DNAJC27: variants seen among roughly 807,000 people sequenced by gnomAD.
DNAJC27 encodes the protein dnaJ homolog subfamily C member 27.
A neutral mutation model predicts 31.4 loss-of-function variants in DNAJC27; 25 were observed. That is an observed-to-expected ratio of 0.80 (90% CI 0.58 to 1.11). DNAJC27 has a LOEUF of 1.11. Ranked by LOEUF, DNAJC27 falls within the 50% of genes most tolerant of loss-of-function variation. The pLI is 0.00. For synonymous variants in DNAJC27, 106 were observed against 112.7 expected (o/e 0.94, Z 0.37); for missense variants, 356 against 347.3 (o/e 1.02, Z -0.20).
At chr2:24,953,124 T>C (rs1233298237) in intron 5 of DNAJC27, among the ~76,000 whole-genome samples, 1 of 152,168 alleles carries the variant, frequency 6.6e-6, no homozygotes, top group Non-Finnish European at 1.5e-5. Flanking sequence ...GCACTGTAAT[T>C]ATTATTGAAT....
intron 5 of DNAJC27, among the ~76,000 whole-genome samples, chr2:24,955,681 G>A (rs1665888575): frequency 6.6e-6 from 1 of 152,112 alleles, no homozygotes; most frequent in South Asian, 2.1e-4. Flanking sequence ...CAGCCAGGGG[G>A]TAAAAAGGGC....
intron 3 of DNAJC27, among the ~76,000 whole-genome samples, chr2:24,959,841 A>G (rs1458058741): frequency 6.6e-6 from 1 of 152,178 alleles, no homozygotes; most frequent in Non-Finnish European, 1.5e-5. Context: ...TTGTACTTTC[A>G]TAGTGCCATC....
chr2:24,963,481 T>C lies in DNAJC27; in HGVS notation c.171-7A>G, dbSNP rs1315707708. 1.2e-6 allele frequency: 2 copies of C among 1,609,726 alleles called. No individual in the cohort carries two copies. Among genetic ancestry groups the C allele is most frequent in the Admixed American group, 3.3e-5 (2 of 59,808 alleles). ...TCTGTCTCTGACGTGTACCCTGAAA[T>C]GTTCAAATGGAAACAATCCGAAAGA... On this transcript the variant is annotated splice_polypyrimidine_tract_variant and splice_region_variant and intron_variant, in intron 2 of 6. Transcript: ENST00000264711.
intron 5 of DNAJC27, among the ~76,000 whole-genome samples, chr2:24,953,305 C>T (rs1237514872): frequency 6.6e-6 from 1 of 152,094 alleles, no homozygotes; most frequent in Non-Finnish European, 1.5e-5. Context: ...AGCTAATCAA[C>T]TTGGTAACCT....
intron 3 of DNAJC27, among the ~76,000 whole-genome samples, chr2:24,962,583 A>C (rs1666076796): frequency 1.3e-5 from 2 of 152,216 alleles, no homozygotes; most frequent in African/African-American, 4.8e-5. Flanking sequence ...AATAACTCAT[A>C]CATCAAACAG....
At chr2:24,954,998 T>C (rs1460521843) in intron 5 of DNAJC27, among the ~76,000 whole-genome samples, 1 of 152,134 alleles carries the variant, frequency 6.6e-6, no homozygotes, top group Non-Finnish European at 1.5e-5. Context: ...GTCTCTACAA[T>C]GTGTTATCCA....
At chr2:24,971,114 G>A (rs1167331791) in intron 1 of DNAJC27, among the ~76,000 whole-genome samples, 3 of 152,162 alleles carry the variant, frequency 2.0e-5, no homozygotes, top group African/African-American at 7.2e-5. Flanking sequence ...TGAAGAGGAG[G>A]CCGTCTTGGA....
chr2:24,953,988 C>T (rs1278276740), intron 5 of DNAJC27, among the ~76,000 whole-genome samples: 1 of 152,118 alleles, frequency 6.6e-6, no homozygotes, highest in Non-Finnish European at 1.5e-5. Flanking sequence ...GAGAGATAAG[C>T]CCCCCAATCA....
Position 24,971,860 on chromosome 2 carries a change from G to A in DNAJC27, c.45C>T (p.Leu15=). Residue 15 remains leucine, a synonymous_variant, in exon 1 of 7, where the codon CTC becomes CTT. Transcript: ENST00000264711. ...MPKRKEPGRS[L]RIKVISMGNA... is the part of the protein sequence containing the mutation. The stretch of plus-strand genomic sequence containing the variant: ...TGCCCATGGAGATGACTTTGATGCG[G>A]AGAGACCTGCCGGGCTCCTTCCGCT... 5.6e-6 allele frequency: 9 copies of A among 1,609,578 alleles called. No individual in the cohort carries two copies. The highest frequency in any genetic ancestry group is 7.6e-6 in the Non-Finnish European group (9 of 1,178,424).
At chr2:24,964,371 G>A (rs1014072107) in intron 2 of DNAJC27, among the ~76,000 whole-genome samples, 5 of 148,724 alleles carry the variant, frequency 3.4e-5, no homozygotes, top group Non-Finnish European at 7.4e-5. Flanking sequence ...GCAGTGAGCC[G>A]AGATCACGCC....
intron 1 of DNAJC27, among the ~76,000 whole-genome samples, chr2:24,970,431 ATGT>A (rs1437474123): frequency 2.0e-5 from 3 of 147,646 alleles, no homozygotes; most frequent in Middle Eastern, 3.5e-3. Flanking sequence ...GCTGCTTCTA[ATGT>A]TGTATCATTA....
In DNAJC27 at chr2:24,971,715, G is replaced by C. The variant is rs372271720; in HGVS notation, c.87+103C>G. The C allele has an allele frequency of 7.5e-5, 75 of 1,006,366 alleles. 1 individual carries two copies. The South Asian group carries it at 7.8e-4, about 10-fold the overall frequency. The allele number at this position is 1,006,366 out of a possible 1,614,324, so 62.3% of individuals were successfully genotyped here. A position where few individuals can be genotyped will look rare whatever the true frequency, so the allele number is the denominator to read the frequency against. ...TGAGACCCGGGCCTGCTCGGGGGCG[G>C]AGAGGAGGCCGGGCCCCAGGCTGTT... On this transcript the variant is annotated intron_variant, in intron 1 of 6. Coordinates refer to ENST00000264711, the MANE Select transcript of DNAJC27 (RefSeq NM_016544.3).
At position 24,965,348 on chromosome 2, in the gene DNAJC27, G is replaced by A. The variant is rs570512584; in HGVS notation, c.170+1863C>T. 3.9e-5 allele frequency among the ~76,000 whole-genome samples: 6 copies of A among 151,910 alleles called. No homozygotes were observed. The East Asian group carries it at 5.8e-4, about 15-fold the overall frequency. ...TTGGCTCACTGCAACCTCCGCCTCCGGGGTTCAAGTGATTCTCCCACCTCA... is the reference window on the plus strand; with the variant it reads ...TTGGCTCACTGCAACCTCCGCCTCCAGGGTTCAAGTGATTCTCCCACCTCA... On this transcript the variant is annotated intron_variant, in intron 2 of 6. Coordinates refer to ENST00000264711, the MANE Select transcript of DNAJC27 (RefSeq NM_016544.3).
chr2:24,971,824 C>T lies in DNAJC27; in HGVS notation c.81G>A (p.Val27=). The T allele has an allele frequency of 3.7e-6, 6 of 1,608,922 alleles. No individual in the cohort carries two copies. In the Middle Eastern group the frequency reaches 9.9e-4, roughly 266 times the overall value. Residue 27 remains valine (V), a synonymous_variant, in exon 1 of 7, where the codon GTG becomes GTA. Transcript: ENST00000264711. The part of the protein sequence containing the change: ...IKVISMGNAE[V]GKSCIIKRYC... ...CCCGGCTCGCTGTACTCACTTTCCCCACTTCGGCGTTGCCCATGGAGATGA... is the reference window on the plus strand; with the variant it reads ...CCCGGCTCGCTGTACTCACTTTCCCTACTTCGGCGTTGCCCATGGAGATGA...
rs1238142746 is a variant in DNAJC27, at chr2:24,945,769, G to A, written c.*1847C>T. On this transcript the variant is annotated 3_prime_UTR_variant, in exon 7 of 7. Transcript: ENST00000264711. ...TTGATATTACCAAGATGAAAAGTGC[G>A]ATGATAAAGCAACGCTCTGGTTTCC... The A allele has an allele frequency of 1.3e-5, 2 of 152,206 alleles. No homozygotes were observed. Among genetic ancestry groups the A allele is most frequent in the Non-Finnish European group, 2.9e-5 (2 of 68,044 alleles). 9.4% of individuals were successfully genotyped at this position (152,206 alleles called of 1,614,324 possible).
At chr2:24,953,129 T>C (rs1353767067) in intron 5 of DNAJC27, among the ~76,000 whole-genome samples, 1 of 152,156 alleles carries the variant, frequency 6.6e-6, no homozygotes, top group African/African-American at 2.4e-5. Context: ...GTAATTATTA[T>C]TGAATAATAC....
intron 3 of DNAJC27, 143 bp from the exon 4 acceptor site, chr2:24,958,117 G>T: frequency 1.4e-6 from 1 of 726,252 alleles, no homozygotes; most frequent in Non-Finnish European, 2.2e-6. Context: ...GTCATTAGAG[G>T]GTTTTTTATA....
intron 3 of DNAJC27, among the ~76,000 whole-genome samples, chr2:24,962,135 G>A (rs999345634): frequency 1.3e-5 from 2 of 151,752 alleles, no homozygotes; most frequent in South Asian, 4.2e-4. Flanking sequence ...TGATCACAAT[G>A]GAATCAAACT....
Position 24,947,488 on chromosome 2 carries a change from T to C in DNAJC27, c.*128A>G, listed in dbSNP as rs780401413. ...GAAATGGGTACCTGAATTACTGATA[T>C]ACAAATGACAACACATGAATGAAAA... On this transcript the variant is annotated 3_prime_UTR_variant, in exon 7 of 7. Coordinates refer to ENST00000264711, the MANE Select transcript of DNAJC27 (RefSeq NM_016544.3). 4 of 1,187,104 alleles carry C rather than the reference T, an allele frequency of 3.4e-6. No individual in the cohort carries two copies. Among genetic ancestry groups the C allele is most frequent in the Admixed American group, 2.3e-5 (1 of 43,522 alleles). The allele number at this position is 1,187,104 out of a possible 1,614,324, so 73.5% of individuals were successfully genotyped here.
Sources: allele counts gnomAD v4.1 joint callset (sites outside exome capture counted in the v4.1 genomes callset), GRCh38; gene constraint gnomAD v4.1.1; transcripts MANE v1.5; gene names NCBI Gene and HGNC (gene_info 2026-07-23, HGNC 2026-07-21).